Variants in PARN observed in about 807,000 individuals in gnomAD.
PARN encodes the protein poly(A)-specific ribonuclease PARN.
Under a neutral mutation model 102.8 loss-of-function variants are expected in PARN, and 71 were observed. That is an observed-to-expected ratio of 0.69 (90% CI 0.57 to 0.84). The LOEUF (loss-of-function observed/expected upper bound fraction) is 0.84, where lower values mean the gene tolerates loss of function less well. PARN is among the 40% of genes least tolerant of loss of function. The pLI, the probability that PARN is intolerant of heterozygous loss-of-function variation, is 0.00. For synonymous variants in PARN, 261 were observed against 252.9 expected (o/e 1.03, Z -0.30); for missense variants, 782 against 760.9 (o/e 1.03, Z -0.33).
chr16:14,495,461 A>G (rs8058568), intron 21 of PARN, among the ~76,000 whole-genome samples: 152,079 of 152,296 alleles, frequency 1, 75,938 homozygotes, highest in Middle Eastern at 1. Context: ...GGACCACAGA[A>G]CAAGACTCTG....
chr16:14,616,157 GCA>G (rs1466190981), intron 6 of PARN, among the ~76,000 whole-genome samples: 2 of 152,174 alleles, frequency 1.3e-5, no homozygotes, highest in Non-Finnish European at 2.9e-5. Context: ...ACTGCAAAAA[GCA>G]CAGTCTTTCC....
intron 21 of PARN, among the ~76,000 whole-genome samples, chr16:14,546,830 A>G (rs1966973810): frequency 6.6e-6 from 1 of 152,198 alleles, no homozygotes; most frequent in South Asian, 2.1e-4. Flanking sequence ...GGCCAGGGAC[A>G]GTGGCTTACG....
chr16:14,576,608 T>C (rs1381000495), intron 18 of PARN, among the ~76,000 whole-genome samples: 2 of 152,228 alleles, frequency 1.3e-5, no homozygotes. Context: ...AACATTAAGT[T>C]TGGTTTTCAA....
intron 22 of PARN, among the ~76,000 whole-genome samples, chr16:14,481,918 T>C (rs1047448130): frequency 1.3e-5 from 2 of 152,226 alleles, no homozygotes; most frequent in African/African-American, 4.8e-5. Context: ...TCAAGCATTC[T>C]TTCTACAGTA....
At chr16:14,568,522 T>C (rs1473010048) in intron 18 of PARN, among the ~76,000 whole-genome samples, 1 of 151,620 alleles carries the variant, frequency 6.6e-6, no homozygotes, top group African/African-American at 2.4e-5. Context: ...GGAGGATCCC[T>C]TGGGCCCAGA....
chr16:14,589,287 T>C (rs1970031302), intron 13 of PARN, among the ~76,000 whole-genome samples: 1 of 152,020 alleles, frequency 6.6e-6, no homozygotes, highest in African/African-American at 2.4e-5. Context: ...TCTGGCCAGG[T>C]GTGGTGGCTC....
intron 11 of PARN, among the ~76,000 whole-genome samples, chr16:14,602,792 G>A (rs1970955286): frequency 6.6e-6 from 1 of 152,150 alleles, no homozygotes; most frequent in East Asian, 1.9e-4. Flanking sequence ...CCTGGGTTCT[G>A]AGGAGGTGTG....
At chr16:14,491,673 G>A (rs958022453) in intron 21 of PARN, among the ~76,000 whole-genome samples, 2 of 152,090 alleles carry the variant, frequency 1.3e-5, no homozygotes, top group African/African-American at 4.8e-5. Flanking sequence ...TCAGAAGGCT[G>A]AAGTGGGAGG....
At chr16:14,576,850 T>C (rs1452337935) in intron 18 of PARN, among the ~76,000 whole-genome samples, 1 of 152,138 alleles carries the variant, frequency 6.6e-6, no homozygotes, top group African/African-American at 2.4e-5. Context: ...GCAAAACCCT[T>C]ATGGGACATT....
At chr16:14,494,892 T>G (rs1482576631) in intron 21 of PARN, among the ~76,000 whole-genome samples, 1 of 151,908 alleles carries the variant, frequency 6.6e-6, no homozygotes, top group Non-Finnish European at 1.5e-5. Context: ...AACAAGATAG[T>G]GGGAACACAG....
At chr16:14,469,708 C>CA (rs113317045) in intron 22 of PARN, among the ~76,000 whole-genome samples, 21,013 of 135,290 alleles carry the variant, frequency 0.16, 1,585 homozygotes, top group East Asian at 0.38. Context: ...CATAAAGTGT[C>CA]AAAAAAAAAA....
chr16:14,451,844 A>AAAAAAAAAAAAAAAAAAAAAATAC (rs1961462591), intron 22 of PARN, among the ~76,000 whole-genome samples: 1 of 56,330 alleles, frequency 1.8e-5, no homozygotes, highest in Non-Finnish European at 3.5e-5. Flanking sequence ...CCCCGTCTCT[A>AAAAAAAAAAAAAAAAAAAAAATAC]AAAAAAAAAA....
intron 20 of PARN, among the ~76,000 whole-genome samples, chr16:14,553,733 T>A (rs890968120): frequency 6.6e-6 from 1 of 152,252 alleles, no homozygotes; most frequent in African/African-American, 2.4e-5. Flanking sequence ...CCTGCCATTA[T>A]GAAACACACA....
At chr16:14,578,986 TTTTTTTC>T (rs968319596) in intron 18 of PARN, among the ~76,000 whole-genome samples, 5 of 152,116 alleles carry the variant, frequency 3.3e-5, no homozygotes, top group Non-Finnish European at 1.5e-5. Context: ...TCAGCTAGCT[TTTTTTTC>T]TTTTTTTTTT....
intron 5 of PARN, among the ~76,000 whole-genome samples, chr16:14,625,288 G>A (rs534997433): frequency 2.6e-5 from 4 of 152,048 alleles, no homozygotes; most frequent in Non-Finnish European, 4.4e-5. Flanking sequence ...ACCTGGGGTC[G>A]AGAGTTCGAG....
chr16:14,510,552 G>GA (rs1207929913), intron 21 of PARN, among the ~76,000 whole-genome samples: 3 of 151,924 alleles, frequency 2.0e-5, no homozygotes, highest in Non-Finnish European at 2.9e-5. Flanking sequence ...ATTTAAAAAA[G>GA]AAAAAAACTC....
At chr16:14,491,576 C>T (rs1459105010) in intron 21 of PARN, among the ~76,000 whole-genome samples, 1 of 151,956 alleles carries the variant, frequency 6.6e-6, no homozygotes, top group African/African-American at 2.4e-5. Flanking sequence ...CCAGCCTGGA[C>T]AACATAGTGT....
At chr16:14,525,531 G>A (rs1054775920) in intron 21 of PARN, among the ~76,000 whole-genome samples, 2 of 152,130 alleles carry the variant, frequency 1.3e-5, no homozygotes, top group African/African-American at 4.8e-5. Context: ...GATGAGGGAA[G>A]GCAATGGCAT....
Position 14,599,975 on chromosome 16 carries a change from A to G in PARN, c.784-15T>C, listed in dbSNP as rs1466685577. ...TTCAGCTCCTCCTAATTAAAAAAAT[A>G]TATACATATGTATTATTGATGTATA... On this transcript the variant is annotated splice_polypyrimidine_tract_variant and intron_variant, in intron 11 of 23. Transcript: ENST00000437198. 3 of 1,454,482 alleles carry G rather than the reference A, an allele frequency of 2.1e-6. No individual in the cohort carries two copies. Among genetic ancestry groups the G allele is most frequent in the African/African-American group, 1.4e-5 (1 of 71,412 alleles). 90.1% of individuals were successfully genotyped at this position (1,454,482 alleles called of 1,614,324 possible). A position where few individuals can be genotyped will look rare whatever the true frequency, so the allele number is the denominator to read the frequency against.
Sources: gnomAD v4.1 joint callset for allele counts (sites outside exome capture counted in the v4.1 genomes callset) on GRCh38, gnomAD v4.1.1 for gene constraint, MANE v1.5 for transcripts, NCBI Gene and HGNC (gene_info 2026-07-23, HGNC 2026-07-21) for gene names.